CCNJL: variants seen among roughly 807,000 people sequenced by gnomAD.
CCNJL encodes the protein cyclin J like, also known as cyclin-J-like protein.
In CCNJL, 33 loss-of-function variants were observed where a neutral mutation model predicts 33.4. The observed-to-expected ratio is 0.99, with a 90% confidence interval of 0.75 to 1.32. The LOEUF (loss-of-function observed/expected upper bound fraction) is 1.32. CCNJL is among the 40% of genes most tolerant of loss of function. The probability of loss-of-function intolerance (pLI) is 0.00; values close to 1 mark genes in which losing one functional copy is unlikely to be tolerated. For synonymous variants in CCNJL, 227 were observed against 220.9 expected (o/e 1.03, Z -0.24); for missense variants, 512 against 499.7 (o/e 1.02, Z -0.23).
chr5:160,329,375 G>C (rs1329477336), intron 1 of CCNJL, among the ~76,000 whole-genome samples: 1 of 142,316 alleles, frequency 7.0e-6, no homozygotes, highest in Admixed American at 7.2e-5. Flanking sequence ...TTTTGAGACA[G>C]AGTCTCGCTC....
intron 3 of CCNJL, among the ~76,000 whole-genome samples, chr5:160,277,891 G>T (rs531945615): frequency 6.6e-6 from 1 of 151,786 alleles, no homozygotes; most frequent in East Asian, 1.9e-4. Flanking sequence ...GATTACAGGC[G>T]CCCATCACGC....
At chr5:160,277,912 G>GC (rs1417532232) in intron 3 of CCNJL, among the ~76,000 whole-genome samples, 1 of 151,450 alleles carries the variant, frequency 6.6e-6, no homozygotes, top group Non-Finnish European at 1.5e-5. Context: ...CTGGCTAATT[G>GC]CTTTTTTTTT....
At chr5:160,312,069 G>A in intron 1 of CCNJL, 97 bp from the exon 2 acceptor site, 1 of 765,154 alleles carries the variant, frequency 1.3e-6, no homozygotes, top group Non-Finnish European at 2.2e-6. Context: ...GGGCCCCGGC[G>A]GGCGCCCCCT....
Position 160,252,895 on chromosome 5 carries a change from C to CT in CCNJL, c.*482dup, listed in dbSNP as rs1241346052. On this transcript the variant is annotated 3_prime_UTR_variant, in exon 6 of 6. Coordinates refer to ENST00000257536, the MANE Select transcript of CCNJL (RefSeq NM_001308173.3). ...CAGGCATACACACCAACTCAGGCCC[C>CT]TCTGCATAGAGCCAGGGAAAGAAAA... The CT allele has an allele frequency of 1.3e-5, 2 of 154,016 alleles. No homozygotes were observed. The highest frequency in any genetic ancestry group is 4.8e-5 in the African/African-American group (2 of 41,506). 9.5% of individuals were successfully genotyped at this position (154,016 alleles called of 1,614,324 possible). A position where few individuals can be genotyped will look rare whatever the true frequency, so the allele number is the denominator to read the frequency against.
At chr5:160,320,343 G>C (rs79457570) in intron 1 of CCNJL, among the ~76,000 whole-genome samples, 4,173 of 152,194 alleles carry the variant, frequency 0.027, 177 homozygotes, top group African/African-American at 0.093. Context: ...TTCTCCTTCT[G>C]TGAAAGGAGG....
intron 2 of CCNJL, among the ~76,000 whole-genome samples, chr5:160,303,130 G>T (rs893891456): frequency 2.4e-4 from 36 of 152,140 alleles, no homozygotes; most frequent in Non-Finnish European, 3.7e-4. Context: ...ATCAGGAATT[G>T]GGTGGAGAAG....
chr5:160,275,998 C>G, intron 3 of CCNJL, among the ~76,000 whole-genome samples: 1 of 152,202 alleles, frequency 6.6e-6, no homozygotes, highest in Non-Finnish European at 1.5e-5. Context: ...TTCACTGCAG[C>G]GCTGTTCACA....
chr5:160,266,868 G>A (rs1580961315), intron 3 of CCNJL, among the ~76,000 whole-genome samples: 2 of 152,164 alleles, frequency 1.3e-5, no homozygotes, highest in Non-Finnish European at 2.9e-5. Context: ...GACTGGAGTC[G>A]TTACAGCTTC....
intron 5 of CCNJL, 151 bp downstream of exon 5, chr5:160,255,398 G>A (rs925242690): frequency 1.8e-5 from 11 of 624,816 alleles, no homozygotes; most frequent in African/African-American, 3.7e-5. Context: ...CTTCTACCAG[G>A]AGTCACCATG....
chr5:160,281,640 ATTTGTTTG>A (rs111576182), intron 2 of CCNJL, among the ~76,000 whole-genome samples: 7,572 of 151,774 alleles, frequency 0.05, 612 homozygotes, highest in African/African-American at 0.17. Flanking sequence ...ATTAGACACT[ATTTGTTTG>A]TTTGTTTGTT....
intron 5 of CCNJL, chr5:160,254,613 C>A (rs763318296): frequency 5.9e-6 from 2 of 339,098 alleles, no homozygotes; most frequent in East Asian, 9.2e-5. Flanking sequence ...ACCAGTCAGT[C>A]AGGCCAGCAC....
chr5:160,274,472 A>G (rs897968580), intron 3 of CCNJL, among the ~76,000 whole-genome samples: 2 of 152,090 alleles, frequency 1.3e-5, no homozygotes, highest in African/African-American at 2.4e-5. Flanking sequence ...AAAAAAAACA[A>G]TCTGTAGTAA....
chr5:160,259,102 A>G (rs1369491830), intron 4 of CCNJL, among the ~76,000 whole-genome samples: 1 of 152,234 alleles, frequency 6.6e-6, no homozygotes, highest in African/African-American at 2.4e-5. Flanking sequence ...AAACAGATGT[A>G]AACATAATTC....
intron 2 of CCNJL, among the ~76,000 whole-genome samples, chr5:160,285,960 C>G (rs1229285935): frequency 6.6e-6 from 1 of 152,208 alleles, no homozygotes; most frequent in Non-Finnish European, 1.5e-5. Flanking sequence ...CTTCCAGCAG[C>G]CCCTACAAGC....
chr5:160,288,829 TAAA>T (rs33916362), intron 2 of CCNJL, among the ~76,000 whole-genome samples: 4 of 89,536 alleles, frequency 4.5e-5, no homozygotes, highest in Admixed American at 1.4e-4. Context: ...AGACTCTGTC[TAAA>T]AAAAAAAAAA....
intron 1 of CCNJL, chr5:160,326,998 G>A (rs760266645): frequency 5.7e-5 from 30 of 529,586 alleles, no homozygotes; most frequent in Non-Finnish European, 1.0e-4. Context: ...GTGAGAAATT[G>A]TTGAGATGGA....
chr5:160,288,482 T>C (rs949766309), intron 2 of CCNJL, among the ~76,000 whole-genome samples: 1 of 152,208 alleles, frequency 6.6e-6, no homozygotes, highest in African/African-American at 2.4e-5. Context: ...CTTCCTACAA[T>C]GCAAAGCCCC....
intron 5 of CCNJL, 69 bp downstream of exon 5, chr5:160,255,480 C>T (rs899426439): frequency 6.0e-6 from 9 of 1,492,954 alleles, no homozygotes; most frequent in South Asian, 2.4e-5. Context: ...TGCCCGTGGC[C>T]TGAGGCAGGC....
At chr5:160,265,414 G>C (rs1445515321) in intron 3 of CCNJL, among the ~76,000 whole-genome samples, 1 of 152,118 alleles carries the variant, frequency 6.6e-6, no homozygotes, top group Non-Finnish European at 1.5e-5. Flanking sequence ...GAAGCAGGCG[G>C]ATCACGAGGT....
Sources: gnomAD v4.1 joint callset for allele counts (sites outside exome capture counted in the v4.1 genomes callset) on GRCh38, gnomAD v4.1.1 for gene constraint, MANE v1.5 for transcripts, NCBI Gene and HGNC (gene_info 2026-07-23, HGNC 2026-07-21) for gene names.